The following CPNE4 variants were observed in gnomAD, a reference collection of about 807,000 sequenced individuals.
The protein encoded by CPNE4 is copine 4.
CPNE4 carries 25 observed loss-of-function variants against 67.9 expected under a neutral mutation model. The observed-to-expected ratio is 0.37, with a 90% CI of 0.27 to 0.51. The LOEUF (loss-of-function observed/expected upper bound fraction) is 0.51, where lower values mean the gene tolerates loss of function less well. CPNE4 is among the 20% of genes least tolerant of loss of function. The pLI is 0.93. For missense variants in CPNE4, 464 were observed against 690.8 expected, an observed-to-expected ratio of 0.67 and a Z score of 3.68; for synonymous variants, 242 against 244.9, an observed-to-expected ratio of 0.99 and a Z score of 0.11.
intron 5 of CPNE4, among the ~76,000 whole-genome samples, chr3:131,687,117 T>C (rs760617383): frequency 6.6e-6 from 1 of 152,220 alleles, no homozygotes; most frequent in Non-Finnish European, 1.5e-5. Flanking sequence ...GCCCCTCAAA[T>C]CTACACTGCC....
intron 7 of CPNE4, among the ~76,000 whole-genome samples, chr3:131,656,847 C>T (rs1706313281): frequency 1.3e-5 from 2 of 152,172 alleles, no homozygotes; most frequent in Admixed American, 1.3e-4. Context: ...TTTGAGTTGA[C>T]ACCTGAATGT....
Position 131,756,185 on chromosome 3 carries a change from C to T in CPNE4, c.181-32560G>A, listed in dbSNP as rs555318239. Among the ~76,000 whole-genome samples, 11 of 152,168 alleles carry T rather than the reference C, an allele frequency of 7.2e-5. 1 individual carries two copies. The highest frequency in any genetic ancestry group is 2.0e-4 in the Admixed American group (3 of 15,282). The stretch of plus-strand genomic sequence containing the variant: ...TCTTAATAGTCTTGGTAATTAGGCC[C>T]CTAAATCTTGATGAGTGCTAAAGTG... On this transcript the variant is annotated intron_variant, in intron 2 of 15. Coordinates refer to ENST00000429747, the MANE Select transcript of CPNE4 (RefSeq NM_130808.3).
chr3:131,652,778 C>T (rs1472256466), intron 7 of CPNE4, among the ~76,000 whole-genome samples: 1 of 152,160 alleles, frequency 6.6e-6, no homozygotes, highest in African/African-American at 2.4e-5. Context: ...CTCTGAGAAT[C>T]AAACTTATGT....
At chr3:131,993,276 T>A (rs1343285069) in intron 1 of CPNE4, among the ~76,000 whole-genome samples, 1 of 135,002 alleles carries the variant, frequency 7.4e-6, no homozygotes, top group African/African-American at 2.5e-5. Flanking sequence ...CTTTGCTATG[T>A]GAAGTTAAGT....
At chr3:131,742,478 A>C (rs1004109058) in intron 2 of CPNE4, among the ~76,000 whole-genome samples, 1 of 152,152 alleles carries the variant, frequency 6.6e-6, no homozygotes, top group Non-Finnish European at 1.5e-5. Context: ...CTTAATAGTA[A>C]GTCTTTTTGT....
chr3:131,749,254 G>T (rs565236185), intron 2 of CPNE4, among the ~76,000 whole-genome samples: 1 of 152,178 alleles, frequency 6.6e-6, no homozygotes, highest in South Asian at 2.1e-4. Flanking sequence ...TTCAAGTGAA[G>T]ATTTTTCCTG....
chr3:131,623,241 C>A (rs1245084590), intron 7 of CPNE4, among the ~76,000 whole-genome samples: 9 of 151,828 alleles, frequency 5.9e-5, no homozygotes, highest in African/African-American at 2.2e-4. Flanking sequence ...AAAAAAGAAA[C>A]CCTGAACTTT....
At chr3:131,635,199 G>A (rs531191036) in intron 7 of CPNE4, among the ~76,000 whole-genome samples, 3 of 152,190 alleles carry the variant, frequency 2.0e-5, no homozygotes, top group South Asian at 2.1e-4. Context: ...AAAAAGTCTC[G>A]GAAAACCTGC....
chr3:131,629,206 A>G lies in CPNE4; in HGVS notation c.681+40469T>C, dbSNP rs2079157928. ...AAAGACTGGCCCCCATGATTCAATCATTTCCCCTTGGGTCCCTCCCACAAC... is the reference window on the plus strand; with the variant it reads ...AAAGACTGGCCCCCATGATTCAATCGTTTCCCCTTGGGTCCCTCCCACAAC... On this transcript the variant is annotated intron_variant, in intron 7 of 15. Coordinates refer to ENST00000429747, the MANE Select transcript of CPNE4 (RefSeq NM_130808.3). Among the ~76,000 whole-genome samples, 3 of 152,232 alleles carry G rather than the reference A, an allele frequency of 2.0e-5. No individual in the cohort carries two copies. The South Asian group carries it at 6.2e-4, about 32-fold the overall frequency.
rs961861880 is a variant in CPNE4 at position 131,854,548 on chromosome 3, A to T, written c.180+50716T>A. Among the ~76,000 whole-genome samples the T allele has an allele frequency of 2.2e-4, 34 of 151,920 alleles. 1 individual carries two copies. The highest frequency in any genetic ancestry group is 1.1e-3 in the Admixed American group (16 of 15,192). ...ATATGCATATTTACTTCAATTTTTT[A>T]AAAAATTGGTTAAAAATGGTTCCCA... On this transcript the variant is annotated intron_variant, in intron 2 of 15. Coordinates refer to ENST00000429747, the MANE Select transcript of CPNE4 (RefSeq NM_130808.3).
At chr3:131,999,671 T>C (rs1264449800) in intron 1 of CPNE4, among the ~76,000 whole-genome samples, 3 of 152,054 alleles carry the variant, frequency 2.0e-5, no homozygotes, top group Non-Finnish European at 4.4e-5. Flanking sequence ...TGGAGAGATA[T>C]ATGATATGAT....
In CPNE4 at chr3:131,698,233, C is replaced by CAAAAAAAAAAAAAAAAAAAAAAAAA. The variant is rs369274504; in HGVS notation, c.433-1618_433-1617insTTTTTTTTTTTTTTTTTTTTTTTTT. On this transcript the variant is annotated intron_variant, in intron 4 of 15. Transcript: ENST00000429747. The stretch of plus-strand genomic sequence containing the variant: ...CTGGGAGAGGGGCAAGGCTCTGTCT[C>CAAAAAAAAAAAAAAAAAAAAAAAAA]AAAAAAAAAAAAAAAAAAAAGAAAG... Among the ~76,000 whole-genome samples the CAAAAAAAAAAAAAAAAAAAAAAAAA allele has an allele frequency of 1.0e-3, 65 of 64,426 alleles. 1 individual carries two copies. The highest frequency in any genetic ancestry group is 1.1e-3 in the Non-Finnish European group (42 of 37,996). The allele number at this position is 64,426 out of a possible 152,430, so 42.3% of individuals were successfully genotyped here. A position where few individuals can be genotyped will look rare whatever the true frequency, so the allele number is the denominator to read the frequency against.
At chr3:131,744,031 A>G (rs2082425057) in intron 2 of CPNE4, among the ~76,000 whole-genome samples, 1 of 147,156 alleles carries the variant, frequency 6.8e-6, no homozygotes, top group Non-Finnish European at 1.5e-5. Context: ...AAAAATTTCC[A>G]TTATTGTTAT....
chr3:131,921,913 A>C (rs1171559322), intron 1 of CPNE4, among the ~76,000 whole-genome samples: 1 of 152,162 alleles, frequency 6.6e-6, no homozygotes, highest in African/African-American at 2.4e-5. Flanking sequence ...TTTATCAAGC[A>C]GGCTCTTTTT....
intron 1 of CPNE4, among the ~76,000 whole-genome samples, chr3:131,923,261 GTGTT>G (rs1412366446): frequency 2.0e-5 from 3 of 152,182 alleles, no homozygotes; most frequent in African/African-American, 4.8e-5. Context: ...GCAAAAATGT[GTGTT>G]TGTGTGTATG....
At chr3:131,929,194 A>G (rs1583467814) in intron 1 of CPNE4, among the ~76,000 whole-genome samples, 1 of 58,348 alleles carries the variant, frequency 1.7e-5, no homozygotes, top group South Asian at 4.9e-4. Context: ...ACTTGTCCTC[A>G]CCAAAAAAAA....
chr3:131,864,281 A>G (rs970446757), intron 2 of CPNE4, among the ~76,000 whole-genome samples: 8 of 151,640 alleles, frequency 5.3e-5, no homozygotes, highest in African/African-American at 1.2e-4. Context: ...CATTGAATCT[A>G]TAAATTACCT....
intron 8 of CPNE4, among the ~76,000 whole-genome samples, chr3:131,584,795 C>T (rs757693368): frequency 2.6e-5 from 4 of 152,150 alleles, no homozygotes; most frequent in African/African-American, 4.8e-5. Flanking sequence ...GCTAGCATGA[C>T]TGAGGAACTT....
chr3:131,580,093 A>G (rs982161729), intron 9 of CPNE4, among the ~76,000 whole-genome samples: 3 of 152,146 alleles, frequency 2.0e-5, no homozygotes, highest in Admixed American at 2.0e-4. Flanking sequence ...AGCCACCCCA[A>G]CTTTCAGCAA....
Sources: gnomAD v4.1 joint callset for allele counts (sites outside exome capture counted in the v4.1 genomes callset) on GRCh38, gnomAD v4.1.1 for gene constraint, MANE v1.5 for transcripts, NCBI Gene and HGNC (gene_info 2026-07-23, HGNC 2026-07-21) for gene names.